Variants in ANKRD31 observed in about 807,000 individuals in gnomAD.
ANKRD31 encodes the protein ankyrin repeat domain 31.
A neutral mutation model predicts 186.0 loss-of-function variants in ANKRD31; 147 were observed. That is an observed-to-expected ratio of 0.79 (90% confidence interval 0.69 to 0.91). The LOEUF (loss-of-function observed/expected upper bound fraction) is 0.91, where lower values mean the gene tolerates loss of function less well. Ranked by LOEUF, ANKRD31 falls within the 40% of genes least tolerant of loss-of-function variation. ANKRD31 has a pLI of 0.00. For missense variants in ANKRD31, 1,986 were observed against 2,148.8 expected (o/e 0.92, Z 1.50); for synonymous variants, 673 against 736.4 (o/e 0.91, Z 1.39).
chr5:75,157,877 G>C (rs917419255), intron 11 of ANKRD31, among the ~76,000 whole-genome samples: 2 of 152,176 alleles, frequency 1.3e-5, no homozygotes, highest in Admixed American at 1.3e-4. Context: ...ATAGGTTAAT[G>C]AAACTACTCA....
intron 3 of ANKRD31, 130 bp from the exon 4 acceptor site, chr5:75,210,995 C>T: frequency 1.6e-6 from 1 of 608,946 alleles, no homozygotes; most frequent in Admixed American, 3.7e-5. Flanking sequence ...GTAAAATACA[C>T]ATAAAATTTA....
At chr5:75,161,510 C>G (rs193125554) in intron 11 of ANKRD31, among the ~76,000 whole-genome samples, 5 of 152,272 alleles carry the variant, frequency 3.3e-5, no homozygotes, top group Admixed American at 1.3e-4. Context: ...TGCAGCCTGA[C>G]AAGGCAATAG....
At chr5:75,186,396 T>C (rs147263846) in intron 10 of ANKRD31, among the ~76,000 whole-genome samples, 131 of 152,342 alleles carry the variant, frequency 8.6e-4, no homozygotes, top group Middle Eastern at 3.4e-3. Flanking sequence ...CACTCCTTTC[T>C]ACATTACATA....
chr5:75,069,915 G>A (rs963032925), intron 25 of ANKRD31, among the ~76,000 whole-genome samples: 2 of 152,142 alleles, frequency 1.3e-5, no homozygotes, highest in Non-Finnish European at 2.9e-5. Context: ...GAGAAGAAAG[G>A]CTATTAGGAT....
chr5:75,233,841 G>C (rs1341814321), intron 1 of ANKRD31, among the ~76,000 whole-genome samples: 2 of 152,084 alleles, frequency 1.3e-5, no homozygotes, highest in African/African-American at 4.8e-5. Context: ...GCTTGAACCT[G>C]GGTGGATGGA....
intron 3 of ANKRD31, among the ~76,000 whole-genome samples, chr5:75,220,498 C>T (rs566541748): frequency 2.6e-5 from 4 of 152,014 alleles, no homozygotes; most frequent in Admixed American, 6.6e-5. Context: ...AAAAATTAGC[C>T]GAGCATGATG....
rs1422914509 is a variant in ANKRD31, at chr5:75,120,312, T to G, written c.3877-2015A>C. On this transcript the variant is annotated intron_variant, in intron 17 of 25. Coordinates refer to ENST00000506364, the MANE Select transcript of ANKRD31 (RefSeq NM_001372053.1). The stretch of plus-strand genomic sequence containing the variant: ...TGAGAGGTTGAAGCTGGAGGATTAC[T>G]TGACCCTGGGAGGTCAAGGCTTCAG... 3.3e-5 allele frequency among the ~76,000 whole-genome samples: 5 copies of G among 152,120 alleles called. No homozygotes were observed. In the East Asian group the frequency reaches 7.7e-4, roughly 23 times the overall value.
chr5:75,092,575 A>G (rs1746001501), intron 22 of ANKRD31, among the ~76,000 whole-genome samples: 1 of 152,214 alleles, frequency 6.6e-6, no homozygotes, highest in African/African-American at 2.4e-5. Context: ...GGACTTCACT[A>G]AAACAATCTA....
chr5:75,137,669 A>G (rs2150128811), intron 17 of ANKRD31, among the ~76,000 whole-genome samples, 187 bp downstream of exon 17: 1 of 152,256 alleles, frequency 6.6e-6, no homozygotes, highest in South Asian at 2.1e-4. Context: ...TGGAGAAATG[A>G]TTCATTAGGA....
At chr5:75,192,609 C>G (rs1755187888) in intron 9 of ANKRD31, 58 bp downstream of exon 9, 12 of 1,288,904 alleles carry the variant, frequency 9.3e-6, no homozygotes, top group Non-Finnish European at 1.2e-5. Flanking sequence ...TCTCTGAATC[C>G]TTTCTACCAA....
rs1022431675 is a variant in ANKRD31, at chr5:75,206,509, A to C, written c.327-22T>G. On this transcript the variant is annotated intron_variant, in intron 4 of 25. Transcript: ENST00000506364. ...AGTCCTAAAAAATCAATTAATAAAA[A>C]TAAATTTTAAAATGGAAGAAAAAAT... 8 of 1,342,776 alleles carry C rather than the reference A, an allele frequency of 6.0e-6. No individual in the cohort carries two copies. In the Middle Eastern group the frequency reaches 1.5e-3, roughly 244 times the overall value. 83.2% of individuals were successfully genotyped at this position (1,342,776 alleles called of 1,614,324 possible). A position where few individuals can be genotyped will look rare whatever the true frequency, so the allele number is the denominator to read the frequency against.
chr5:75,171,971 T>C (rs1334990731), intron 10 of ANKRD31, among the ~76,000 whole-genome samples: 1 of 151,860 alleles, frequency 6.6e-6, no homozygotes. Flanking sequence ...TATAAAAATA[T>C]TATACACTGA....
intron 2 of ANKRD31, among the ~76,000 whole-genome samples, chr5:75,228,441 T>C (rs897496136): frequency 2.0e-5 from 3 of 152,228 alleles, no homozygotes; most frequent in African/African-American, 7.2e-5. Context: ...GTCTAAAAAA[T>C]GATTGCTAGG....
intron 6 of ANKRD31, 44 bp from the exon 7 acceptor site, chr5:75,196,244 T>C: frequency 7.7e-7 from 1 of 1,305,718 alleles, no homozygotes; most frequent in Non-Finnish European, 9.9e-7. Flanking sequence ...GCATATACAA[T>C]AAAGTATTTA....
rs1467152787 is a variant in ANKRD31 at position 75,116,550 on chromosome 5, T to A, written c.4155+16A>T. On this transcript the variant is annotated intron_variant, in intron 19 of 25. Transcript: ENST00000506364. ...TTTTCTAAGATGAAGAACAAAGTAA[T>A]TTTAACTTCACTCACCACAGAAAGG... The A allele has an allele frequency of 1.5e-6, 2 of 1,342,602 alleles. No individual in the cohort carries two copies. The highest frequency in any genetic ancestry group is 1.9e-6 in the Non-Finnish European group (2 of 1,037,652). The allele number at this position is 1,342,602 out of a possible 1,614,324, so 83.2% of individuals were successfully genotyped here.
intron 13 of ANKRD31, 42 bp from the exon 14 acceptor site, chr5:75,147,547 T>C (rs190297048): frequency 9.2e-5 from 111 of 1,211,638 alleles, no homozygotes; most frequent in Non-Finnish European, 1.2e-4. Flanking sequence ...TTTTCAGCGG[T>C]AGTACTATAT....
chr5:75,220,566 T>C (rs902453365), intron 3 of ANKRD31, among the ~76,000 whole-genome samples: 1 of 151,134 alleles, frequency 6.6e-6, no homozygotes, highest in Non-Finnish European at 1.5e-5. Flanking sequence ...CACTTGAACC[T>C]GGGAGGCAGA....
chr5:75,107,675 T>C (rs1747440055), intron 20 of ANKRD31, 58 bp from the exon 21 acceptor site: 1 of 1,067,230 alleles, frequency 9.4e-7, no homozygotes, highest in Admixed American at 2.6e-5. Flanking sequence ...TCAAATTTGG[T>C]CATACGAGAA....
At chr5:75,143,906 CAAT>C in intron 15 of ANKRD31, 92 bp downstream of exon 15, 2 of 393,902 alleles carry the variant, frequency 5.1e-6, no homozygotes, top group Non-Finnish European at 9.0e-6. Flanking sequence ...CAAAAAGAAA[CAAT>C]ATATCTGAAA....
Sources: allele counts gnomAD v4.1 joint callset (sites outside exome capture counted in the v4.1 genomes callset), GRCh38; gene constraint gnomAD v4.1.1; transcripts MANE v1.5; gene names NCBI Gene and HGNC (gene_info 2026-07-23, HGNC 2026-07-21).